The following HAO1 variants were observed in gnomAD, a reference collection of about 807,000 sequenced individuals.
The protein encoded by HAO1 is 2-Hydroxyacid oxidase 1.
HAO1 carries 34 observed loss-of-function variants against 39.7 expected under a neutral mutation model. That is an observed-to-expected ratio of 0.86 (90% CI 0.65 to 1.14). The LOEUF (loss-of-function observed/expected upper bound fraction) is 1.14, where lower values mean the gene tolerates loss of function less well. Ranked by LOEUF, HAO1 falls within the 50% of genes most tolerant of loss-of-function variation. The pLI is 0.00. For missense variants in HAO1, 479 were observed against 464.5 expected (o/e 1.03, Z -0.29); for synonymous variants, 172 against 173.2 (o/e 0.99, Z 0.05).
At position 7,914,181 on chromosome 20, in the gene HAO1, T is replaced by C. The variant is rs1156988318; in HGVS notation, c.528A>G (p.Lys176=). 1.5e-5 allele frequency: 25 copies of C among 1,613,970 alleles called. No individual in the cohort carries two copies. Among genetic ancestry groups the C allele is most frequent in the Non-Finnish European group, 2.0e-5 (24 of 1,179,920 alleles). Residue 176 remains lysine (K), a synonymous_variant, in exon 3 of 8, where the codon AAA becomes AAG. Transcript: ENST00000378789. ...NRLDDVRNRF[K]LPPQLRMKNF... The stretch of plus-strand genomic sequence containing the variant: ...ATGGTTACCTGAGTTGTGGCGGCAG[T>C]TTGAATCTGTTACGCACATCATCCA...
intron 3 of HAO1, among the ~76,000 whole-genome samples, chr20:7,913,627 T>G (rs1540901): frequency 0.22 from 33,814 of 152,102 alleles, 4,679 homozygotes; most frequent in East Asian, 0.51. Flanking sequence ...TGTGATATAT[T>G]GTTTTTGCTA....
chr20:7,920,691 T>C (rs1427248594), intron 2 of HAO1, among the ~76,000 whole-genome samples: 1 of 152,152 alleles, frequency 6.6e-6, no homozygotes, highest in African/African-American at 2.4e-5. Flanking sequence ...TGTCTATCCA[T>C]GTTGTTACAG....
chr20:7,899,504 C>T (rs983558021), intron 4 of HAO1, among the ~76,000 whole-genome samples: 3 of 152,038 alleles, frequency 2.0e-5, no homozygotes, highest in Non-Finnish European at 4.4e-5. Flanking sequence ...AAGTGCCTCC[C>T]ATTTGAATTA....
chr20:7,904,307 A>G (rs1486901458), intron 4 of HAO1, among the ~76,000 whole-genome samples: 1 of 152,132 alleles, frequency 6.6e-6, no homozygotes, highest in Non-Finnish European at 1.5e-5. Flanking sequence ...CCTGACCACA[A>G]TTTTGCCACC....
chr20:7,919,946 T>C (rs2050323268), intron 2 of HAO1, among the ~76,000 whole-genome samples: 1 of 152,164 alleles, frequency 6.6e-6, no homozygotes, highest in African/African-American at 2.4e-5. Context: ...TACAAAGTGA[T>C]GTTTTGATCT....
chr20:7,914,405 C>G lies in HAO1; in HGVS notation c.304G>C (p.Gly102Arg). 6.2e-7 allele frequency: 1 copy of G among 1,613,500 alleles called. No individual in the cohort carries two copies. Residue 102 changes from glycine (G) to arginine (R), a missense_variant, in exon 3 of 8, where the codon GGA becomes CGA. Transcript: ENST00000378789. The part of the protein sequence containing the change: ...LATVRACQSL[G>R]TGMMLSSWAT... ...CAGGAACTCAACATCATGCCCGTTC[C>G]CAGGGACTGACAGGCTGAGAAAGAA...
intron 2 of HAO1, among the ~76,000 whole-genome samples, chr20:7,927,883 C>T (rs2050366691): frequency 6.6e-6 from 1 of 152,160 alleles, no homozygotes; most frequent in South Asian, 2.1e-4. Flanking sequence ...ATAATCTGAG[C>T]AAAGCATTAA....
chr20:7,885,470 G>C, intron 7 of HAO1, 51 bp downstream of exon 7: 2 of 1,180,892 alleles, frequency 1.7e-6, no homozygotes, highest in Non-Finnish European at 2.5e-6. Context: ...CAAGGACCTT[G>C]ACTTAAAGAT....
At chr20:7,910,930 AT>A (rs2050276642) in intron 3 of HAO1, among the ~76,000 whole-genome samples, 2 of 151,946 alleles carry the variant, frequency 1.3e-5, no homozygotes, top group South Asian at 4.2e-4. Flanking sequence ...TCTACCATCA[AT>A]TTTTATTGTG....
intron 4 of HAO1, among the ~76,000 whole-genome samples, chr20:7,900,133 C>T (rs1291221270): frequency 6.6e-6 from 1 of 152,082 alleles, no homozygotes; most frequent in Non-Finnish European, 1.5e-5. Context: ...AATCCAGGAA[C>T]ATTAAGCGCA....
intron 4 of HAO1, among the ~76,000 whole-genome samples, chr20:7,900,676 C>T (rs1221097513): frequency 1.3e-5 from 2 of 152,180 alleles, no homozygotes; most frequent in Non-Finnish European, 2.9e-5. Context: ...TCCCTCTCCT[C>T]AGGCCTCCCT....
intron 2 of HAO1, among the ~76,000 whole-genome samples, chr20:7,931,115 ACT>A (rs2050383694): frequency 2.6e-5 from 4 of 152,230 alleles, no homozygotes; most frequent in Admixed American, 2.6e-4. Context: ...CAGAATAGAA[ACT>A]CTGATGTTGC....
At chr20:7,897,077 G>A (rs962864624) in intron 4 of HAO1, among the ~76,000 whole-genome samples, 4 of 152,168 alleles carry the variant, frequency 2.6e-5, no homozygotes, top group African/African-American at 9.6e-5. Context: ...GTGTGTGAAT[G>A]ACAATTGGAT....
intron 6 of HAO1, 44 bp downstream of exon 6, chr20:7,885,662 T>C (rs1188112999): frequency 1.3e-6 from 2 of 1,575,138 alleles, no homozygotes; most frequent in Non-Finnish European, 8.7e-7. Context: ...TTTGTTTTAC[T>C]GTCAAGTTGT....
chr20:7,893,407 G>T (rs916808487), intron 5 of HAO1, among the ~76,000 whole-genome samples: 3 of 152,164 alleles, frequency 2.0e-5, no homozygotes, highest in African/African-American at 7.2e-5. Flanking sequence ...GGACTAGGCT[G>T]CCTTTGCAGG....
chr20:7,923,732 C>G (rs1418196375), intron 2 of HAO1, among the ~76,000 whole-genome samples: 1 of 152,126 alleles, frequency 6.6e-6, no homozygotes, highest in Non-Finnish European at 1.5e-5. Context: ...GGTATGTTAA[C>G]AAAATTCAGA....
chr20:7,927,281 G>A (rs920933402), intron 2 of HAO1, among the ~76,000 whole-genome samples: 1 of 151,902 alleles, frequency 6.6e-6, no homozygotes, highest in Non-Finnish European at 1.5e-5. Context: ...TTTTATATGT[G>A]TTAGCATTTA....
chr20:7,889,381 G>T (rs1245446655), intron 5 of HAO1, among the ~76,000 whole-genome samples: 2 of 152,078 alleles, frequency 1.3e-5, no homozygotes, highest in East Asian at 3.9e-4. Context: ...GAAAAAAAAT[G>T]CTCATAGGAT....
At position 7,883,655 on chromosome 20, in the gene HAO1, T is replaced by A. The variant is rs2050138239; in HGVS notation, c.1051A>T (p.Asn351Tyr). Residue 351 changes from asparagine (N) to tyrosine (Y), a missense_variant, in exon 8 of 8, where the codon AAT becomes TAT. Transcript: ENST00000378789. ...RLAMALSGCQ[N>Y]VKVIDKTLVR... Reference sequence around the variant, plus strand: ...AATGTCTTGTCGATGACTTTCACATTCTGGCACCCTGAAAAAATAATGCAT... The same window carrying A: ...AATGTCTTGTCGATGACTTTCACATACTGGCACCCTGAAAAAATAATGCAT... The A allele has an allele frequency of 6.2e-7, 1 of 1,610,254 alleles. No homozygotes were observed. Among genetic ancestry groups the A allele is most frequent in the East Asian group, 2.2e-5 (1 of 44,822 alleles).
Sources: gnomAD v4.1 joint callset for allele counts (sites outside exome capture counted in the v4.1 genomes callset) on GRCh38, gnomAD v4.1.1 for gene constraint, MANE v1.5 for transcripts, NCBI Gene and HGNC (gene_info 2026-07-23, HGNC 2026-07-21) for gene names.